The following THEMIS2 variants were observed in gnomAD, a reference collection of about 807,000 sequenced individuals.
THEMIS2 encodes the protein protein THEMIS2.
A neutral mutation model predicts 46.8 loss-of-function variants in THEMIS2; 29 were observed. The observed-to-expected ratio is 0.62, with a 90% CI of 0.46 to 0.84. The LOEUF is 0.84. Among genes scored for constraint, THEMIS2 ranks in the 40% least tolerant of loss-of-function variants. The pLI, the probability that THEMIS2 is intolerant of heterozygous loss-of-function variation, is 0.00. For synonymous variants in THEMIS2, 335 were observed against 349.1 expected, an observed-to-expected ratio of 0.96 and a Z score of 0.45; for missense variants, 698 against 834.7, an observed-to-expected ratio of 0.84 and a Z score of 2.02.
rs200183022 is a variant in THEMIS2, at chr1:27,885,467, C to T, written c.1876+16C>T. 4.0e-5 allele frequency: 65 copies of T among 1,610,560 alleles called. No individual in the cohort carries two copies. The East Asian group carries it at 6.7e-4, about 17-fold the overall frequency. ...CAGGATCTAGGTGAGTCCCTGTGGG[C>T]GCTGCTCACCCTTGTCCTTGTGTCT... On this transcript the variant is annotated intron_variant, in intron 5 of 5. Transcript: ENST00000373921.
At chr1:27,874,410 G>A (rs2089542213) in intron 1 of THEMIS2, among the ~76,000 whole-genome samples, 1 of 152,100 alleles carries the variant, frequency 6.6e-6, no homozygotes, top group Admixed American at 6.6e-5. Context: ...GGAGGCTGAG[G>A]TGGGAAGATT....
chr1:27,876,046 G>A (rs1350127125), intron 1 of THEMIS2, among the ~76,000 whole-genome samples: 1 of 151,982 alleles, frequency 6.6e-6, no homozygotes, highest in East Asian at 1.9e-4. Flanking sequence ...TTTGCCCATT[G>A]GGCCTCACTC....
chr1:27,879,596 A>T (rs1376026737), intron 2 of THEMIS2, 48 bp from the exon 3 acceptor site: 1 of 1,519,236 alleles, frequency 6.6e-7, no homozygotes, highest in Non-Finnish European at 8.9e-7. Flanking sequence ...GGCCTGCCCC[A>T]CCCTGACACC....
At chr1:27,873,547 C>T (rs1414566112) in intron 1 of THEMIS2, among the ~76,000 whole-genome samples, 1 of 151,814 alleles carries the variant, frequency 6.6e-6, no homozygotes. Context: ...TCTGTCGCAG[C>T]AGCTTCCAGC....
chr1:27,881,842 CAAA>C (rs371204275), intron 3 of THEMIS2, 126 bp from the exon 4 acceptor site: 94 of 577,576 alleles, frequency 1.6e-4, no homozygotes, highest in South Asian at 3.9e-4. Context: ...AACTCCATCT[CAAA>C]AAAAAAAAAA....
At position 27,882,973 on chromosome 1, in the gene THEMIS2, C is replaced by T. The variant is rs201614111; in HGVS notation, c.1649C>T (p.Pro550Leu). The change falls in exon 4 of 6, where the codon CCC becomes CTC. Residue 550 changes from proline (P) to leucine (L), a missense_variant. By Grantham distance (98) the Pro-to-Leu change is moderately conservative (BLOSUM62 -3). Transcript: ENST00000373921. The surrounding 1 kb of genome is among the most constrained non-coding windows in gnomAD (Gnocchi z 7.6). Reference protein sequence around the residue: ...RKLPACEIQAPPPRPPKNQGL... With the variant: ...RKLPACEIQALPPRPPKNQGL... ...TTACCAGCCTGTGAGATCCAAGCCC[C>T]CCCACCCAGGCCCCCTAAAAATCAG... 262 of 1,613,700 alleles carry T rather than the reference C, an allele frequency of 1.6e-4. No individual in the cohort carries two copies. Among genetic ancestry groups the T allele is most frequent in the Middle Eastern group, 9.9e-4 (6 of 6,080 alleles).
intron 4 of THEMIS2, 143 bp from the exon 5 acceptor site, chr1:27,885,152 C>T: frequency 1.2e-6 from 1 of 808,912 alleles, no homozygotes; most frequent in Non-Finnish European, 1.9e-6. Context: ...AGCAAAAACA[C>T]CAGGGGTCTT....
rs751391949 is a variant in THEMIS2 at position 27,879,886 on chromosome 1, C to T, written c.478C>T (p.Pro160Ser). 6.2e-7 allele frequency: 1 copy of T among 1,612,940 alleles called. No homozygotes were observed. Reference protein sequence around the residue: ...MEGQQVILHLPLSQKGPFWTW... With the variant: ...MEGQQVILHLSLSQKGPFWTW... The stretch of plus-strand genomic sequence containing the variant: ...GGGTCAGCAGGTCATCCTGCACCTG[C>T]CCCTATCCCAGAAGGGGCCCTTCTG... The change falls in exon 3 of 6, where the codon CCC becomes TCC. Residue 160 changes from proline to serine, a missense_variant. Pro to Ser is a moderately conservative substitution (Grantham distance 74, BLOSUM62 -1). Coordinates refer to ENST00000373921, the MANE Select transcript of THEMIS2 (RefSeq NM_001105556.3).
chr1:27,883,619 T>G (rs2089722315), intron 4 of THEMIS2: 3 of 152,406 alleles, frequency 2.0e-5, no homozygotes, highest in Admixed American at 1.3e-4. Context: ...CTGTCCACGC[T>G]CCAGCGAGAG....
In THEMIS2 at chr1:27,882,799, C is replaced by T. The variant is rs1405718887; in HGVS notation, c.1475C>T (p.Ser492Phe). 1 of 1,613,912 alleles carries T rather than the reference C, an allele frequency of 6.2e-7. No individual in the cohort carries two copies. The highest frequency in any genetic ancestry group is 1.1e-5 in the South Asian group (1 of 91,068). ...TEPFLVVSLD[S>F]EPGMCFEIPP... is the part of the protein sequence containing the mutation. Reference sequence around the variant, plus strand: ...CCATTCTTGGTGGTGAGCCTAGACTCTGAGCCTGGGATGTGCTTTGAGATC... The same window carrying T: ...CCATTCTTGGTGGTGAGCCTAGACTTTGAGCCTGGGATGTGCTTTGAGATC... Residue 492 changes from serine to phenylalanine, a missense_variant, in exon 4 of 6, where the codon TCT becomes TTT. Ser to Phe is a radical substitution (Grantham distance 155). Coordinates refer to ENST00000373921, the MANE Select transcript of THEMIS2 (RefSeq NM_001105556.3). The surrounding 1 kb of genome is among the most constrained non-coding windows in gnomAD (Gnocchi z 7.6).
In THEMIS2 at chr1:27,882,889, C is replaced by A. The variant is rs773157403; in HGVS notation, c.1565C>A (p.Ser522Tyr). 3.7e-6 allele frequency: 6 copies of A among 1,613,956 alleles called. No individual in the cohort carries two copies. The South Asian group carries it at 4.4e-5, about 12-fold the overall frequency. Residue 522 changes from serine (S) to tyrosine (Y), a missense_variant, in exon 4 of 6, where the codon TCT (serine) becomes TAT (tyrosine). Coordinates refer to ENST00000373921, the MANE Select transcript of THEMIS2 (RefSeq NM_001105556.3). This position sits in a 1 kb window ranked among gnomAD's most constrained non-coding sequence, Gnocchi z 7.6. ...AKGQPDLPEG[S>Y]LPIATVEELT... The stretch of plus-strand genomic sequence containing the variant: ...GGGCAGCCAGACTTGCCAGAGGGGT[C>A]TCTCCCCATAGCCACAGTGGAGGAG...
chr1:27,886,075 C>G lies in THEMIS2; in HGVS notation c.*153C>G. The G allele has an allele frequency of 1.5e-6, 1 of 675,696 alleles. No homozygotes were observed. Among genetic ancestry groups the G allele is most frequent in the Non-Finnish European group, 2.6e-6 (1 of 391,318 alleles). The allele number at this position is 675,696 out of a possible 1,614,324, so 41.9% of individuals were successfully genotyped here. A position where few individuals can be genotyped will look rare whatever the true frequency, so the allele number is the denominator to read the frequency against. ...GTGGAAACTGATTTGATGGACACTGCACCAGCTTCCTTCAGGTTCTAGATT... is the reference window on the plus strand; with the variant it reads ...GTGGAAACTGATTTGATGGACACTGGACCAGCTTCCTTCAGGTTCTAGATT... On this transcript the variant is annotated 3_prime_UTR_variant, in exon 6 of 6. Transcript: ENST00000373921.
intron 3 of THEMIS2, 57 bp downstream of exon 3, chr1:27,880,111 C>A: frequency 6.6e-7 from 1 of 1,511,522 alleles, no homozygotes; most frequent in East Asian, 2.4e-5. Context: ...AGGGTTGCCC[C>A]TGGGAGCTGC....
rs1279177903 is a variant in THEMIS2, at chr1:27,882,236, A to G, written c.912A>G (p.Ser304=). Residue 304 remains serine, a synonymous_variant, in exon 4 of 6, where the codon TCA becomes TCG. Transcript: ENST00000373921. The surrounding 1 kb of genome is among the most constrained non-coding windows in gnomAD (Gnocchi z 7.6). The part of the protein sequence containing the change: ...LASPPWRVLA[S]SKGRKVPRHF... ...CACCACCCTGGCGGGTCCTGGCCTC[A>G]AGCAAGGGCCGCAAGGTGCCCAGGC... The G allele has an allele frequency of 1.9e-6, 3 of 1,608,266 alleles. No individual in the cohort carries two copies. Among genetic ancestry groups the G allele is most frequent in the Non-Finnish European group, 2.6e-6 (3 of 1,176,446 alleles).
Position 27,876,688 on chromosome 1 carries a change from G to A in THEMIS2, c.195G>A (p.Pro65=), listed in dbSNP as rs751660948. The change falls in exon 2 of 6, where the codon CCG becomes CCA. Residue 65 remains proline (P), a synonymous_variant. Transcript: ENST00000373921. ...VRLQKVVCEN[P]KTSQTMELAP... Reference sequence around the variant, plus strand: ...TCCAGAAGGTGGTCTGTGAGAACCCGAAGACCAGCCAGACCATGGAGCTCG... The same window carrying A: ...TCCAGAAGGTGGTCTGTGAGAACCCAAAGACCAGCCAGACCATGGAGCTCG... 1.3e-5 allele frequency: 21 copies of A among 1,613,876 alleles called. No homozygotes were observed. In the East Asian group the frequency reaches 2.9e-4, roughly 22 times the overall value.
intron 1 of THEMIS2, among the ~76,000 whole-genome samples, chr1:27,874,816 C>T (rs1158936601): frequency 6.6e-6 from 1 of 151,354 alleles, no homozygotes; most frequent in Non-Finnish European, 1.5e-5. Context: ...CCAGGCTGGT[C>T]TTGAATTCCT....
intron 3 of THEMIS2, among the ~76,000 whole-genome samples, chr1:27,881,447 A>G (rs2089677111): frequency 6.6e-6 from 1 of 151,516 alleles, no homozygotes; most frequent in Non-Finnish European, 1.5e-5. Context: ...GCGAGACTCC[A>G]TCTCAAAAAA....
In THEMIS2 at chr1:27,881,990, G is replaced by C. The variant is rs576878632; in HGVS notation, c.666G>C (p.Lys222Asn). ...CCACAGTGCGCAGGACCATTGTCAAGATCCCTTCTACCCTGGAGGTCGACG... is the reference window on the plus strand; with the variant it reads ...CCACAGTGCGCAGGACCATTGTCAACATCCCTTCTACCCTGGAGGTCGACG... ...AIMHMRRTIV[K>N]IPSTLEVDVE... The change falls in exon 4 of 6, where the codon AAG becomes AAC. Residue 222 changes from lysine to asparagine, a missense_variant. Coordinates refer to ENST00000373921, the MANE Select transcript of THEMIS2 (RefSeq NM_001105556.3). 1 of 1,613,478 alleles carries C rather than the reference G, an allele frequency of 6.2e-7. No homozygotes were observed. The highest frequency in any genetic ancestry group is 1.1e-5 in the South Asian group (1 of 90,998).
In THEMIS2 at chr1:27,880,068, G is replaced by A. The variant is rs776565272; in HGVS notation, c.646+14G>A. ...CCATCATGCACAGTGAGTTGCCTGG[G>A]CAGATGGATGCGCGCTGCTGGGGGA... On this transcript the variant is annotated intron_variant, in intron 3 of 5. Transcript: ENST00000373921. The A allele has an allele frequency of 3.2e-6, 5 of 1,578,230 alleles. No individual in the cohort carries two copies. The highest frequency in any genetic ancestry group is 1.1e-5 in the South Asian group (1 of 87,944).
Sources: allele counts gnomAD v4.1 joint callset (sites outside exome capture counted in the v4.1 genomes callset), GRCh38; gene constraint gnomAD v4.1.1; non-coding constraint Gnocchi (gnomAD v3.1); transcripts MANE v1.5; gene names NCBI Gene and HGNC (gene_info 2026-07-23, HGNC 2026-07-21).